The following ARAP1 variants were observed in gnomAD, a reference collection of about 807,000 sequenced individuals.
The protein encoded by ARAP1 is arf-GAP with Rho-GAP domain, ANK repeat and PH domain-containing protein 1.
Under a neutral mutation model 172.2 loss-of-function variants are expected in ARAP1, and 76 were observed. The ratio of observed to expected loss-of-function variants is 0.44; its 90% CI spans 0.37 to 0.53. ARAP1 has a LOEUF of 0.53. ARAP1 is among the 20% of genes least tolerant of loss of function. The pLI is 0.00. For synonymous variants in ARAP1, 804 were observed against 803.3 expected (o/e 1.00, Z -0.01); for missense variants, 1,686 against 1,977.5 (o/e 0.85, Z 2.80).
At position 72,713,169 on chromosome 11, in the gene ARAP1, G is replaced by A. The variant is rs776984768; in HGVS notation, c.747+7C>T. On this transcript the variant is annotated splice_region_variant and intron_variant, in intron 5 of 34. Coordinates refer to ENST00000393609, the MANE Select transcript of ARAP1 (RefSeq NM_001040118.3). Reference sequence around the variant, plus strand: ...TGACAGGCAGACAGTCCCATGCCTGGCCCCACCTTCTTGGTCATCACTCTG... The same window carrying A: ...TGACAGGCAGACAGTCCCATGCCTGACCCCACCTTCTTGGTCATCACTCTG... The A allele has an allele frequency of 1.2e-5, 19 of 1,613,680 alleles. No homozygotes were observed. In the East Asian group the frequency reaches 4.0e-4, roughly 34 times the overall value.
chr11:72,712,703 T>C, intron 5 of ARAP1, 135 bp from the exon 6 acceptor site: 1 of 1,410,590 alleles, frequency 7.1e-7, no homozygotes, highest in Non-Finnish European at 9.8e-7. Context: ...TTCCTCACAC[T>C]CCCCTCCCCC....
chr11:72,719,590 A>G (rs915836858), intron 3 of ARAP1, among the ~76,000 whole-genome samples: 1 of 152,232 alleles, frequency 6.6e-6, no homozygotes, highest in African/African-American at 2.4e-5. Flanking sequence ...CAGGCCCTAC[A>G]GGCTGAGCCA....
At position 72,698,122 on chromosome 11, in the gene ARAP1, C is replaced by T. The variant is rs1330274672; in HGVS notation, c.2542-16G>A. ...GCACGAATGCCTGGCAGAGAGGCGC[C>T]GGGGGAGACAGCATCAGCCAACGGC... is the stretch of plus-strand genomic sequence containing the variant. On this transcript the variant is annotated splice_polypyrimidine_tract_variant and intron_variant, in intron 18 of 34. Coordinates refer to ENST00000393609, the MANE Select transcript of ARAP1 (RefSeq NM_001040118.3). The T allele has an allele frequency of 1.3e-6, 2 of 1,571,736 alleles. No individual in the cohort carries two copies. The highest frequency in any genetic ancestry group is 1.7e-6 in the Non-Finnish European group (2 of 1,158,860).
At chr11:72,717,225 A>G (rs1189899520) in intron 3 of ARAP1, among the ~76,000 whole-genome samples, 2 of 152,184 alleles carry the variant, frequency 1.3e-5, no homozygotes, top group Non-Finnish European at 2.9e-5. Flanking sequence ...GGGCAAATCA[A>G]TCCATCACTG....
chr11:72,711,593 G>A, intron 7 of ARAP1, 94 bp from the exon 8 acceptor site: 3 of 1,055,190 alleles, frequency 2.8e-6, no homozygotes, highest in South Asian at 2.6e-5. Context: ...TCAGAGTGAG[G>A]ATCAGCCAGG....
chr11:72,725,790 A>C lies in ARAP1; in HGVS notation c.509+830T>G, dbSNP rs1045849838. Among the ~76,000 whole-genome samples the C allele has an allele frequency of 3.8e-4, 58 of 152,220 alleles. No individual in the cohort carries two copies. Among genetic ancestry groups the C allele is most frequent in the Non-Finnish European group, 7.2e-4 (49 of 67,994 alleles). On this transcript the variant is annotated intron_variant, in intron 3 of 34. Coordinates refer to ENST00000393609, the MANE Select transcript of ARAP1 (RefSeq NM_001040118.3). This position sits in a 1 kb window ranked among gnomAD's most constrained non-coding sequence, Gnocchi z 4.3. The stretch of plus-strand genomic sequence containing the variant: ...AGAGCCCAGCAGAGTGCCCAGCAAT[A>C]AACAAACAGGGACCAGGAGACCTCT...
chr11:72,712,924 G>C lies in ARAP1; in HGVS notation c.747+252C>G, dbSNP rs116218853. On this transcript the variant is annotated intron_variant, in intron 5 of 34. Coordinates refer to ENST00000393609, the MANE Select transcript of ARAP1 (RefSeq NM_001040118.3). Reference sequence around the variant, plus strand: ...ACACGAGTTCCTAACACACAGGGTGGGGGGAGGCCACATGCCCACCCACAT... The same window carrying C: ...ACACGAGTTCCTAACACACAGGGTGCGGGGAGGCCACATGCCCACCCACAT... 1,263 of 598,274 alleles carry C rather than the reference G, an allele frequency of 2.1e-3. 21 individuals carry two copies. In the African/African-American group the frequency reaches 0.022, roughly 10 times the overall value. 37.1% of individuals were successfully genotyped at this position (598,274 alleles called of 1,614,324 possible). A position where few individuals can be genotyped will look rare whatever the true frequency, so the allele number is the denominator to read the frequency against.
At chr11:72,702,717 C>T (rs1742437030) in intron 15 of ARAP1, among the ~76,000 whole-genome samples, 188 bp downstream of exon 15, 1 of 152,210 alleles carries the variant, frequency 6.6e-6, no homozygotes, top group South Asian at 2.1e-4. Context: ...CACAGAGACA[C>T]AGACACAGAG....
rs1856357511 is a variant in ARAP1, at chr11:72,699,192, C to A, written c.2439-85G>T. 1.3e-5 allele frequency: 19 copies of A among 1,487,328 alleles called. No individual in the cohort carries two copies. The highest frequency in any genetic ancestry group is 8.3e-5 in the African/African-American group (6 of 72,506). 92.1% of individuals were successfully genotyped at this position (1,487,328 alleles called of 1,614,324 possible). A position where few individuals can be genotyped will look rare whatever the true frequency, so the allele number is the denominator to read the frequency against. On this transcript the variant is annotated intron_variant, in intron 17 of 34. Coordinates refer to ENST00000393609, the MANE Select transcript of ARAP1 (RefSeq NM_001040118.3). This position sits in a 1 kb window ranked among gnomAD's most constrained non-coding sequence, Gnocchi z 4.2. Reference sequence around the variant, plus strand: ...CCGCACCATCAACCGCCATCCTCTGCCCCCTCCGCACTGCCTTGGCGCTTG... The same window carrying A: ...CCGCACCATCAACCGCCATCCTCTGACCCCTCCGCACTGCCTTGGCGCTTG...
intron 33 of ARAP1, among the ~76,000 whole-genome samples, chr11:72,687,079 T>A (rs1037095275): frequency 9.2e-5 from 14 of 152,324 alleles, no homozygotes; most frequent in African/African-American, 2.6e-4. Context: ...CCCTCCTCTA[T>A]GCTTGGTGAA....
chr11:72,734,856 A>G (rs569637670), intron 1 of ARAP1, among the ~76,000 whole-genome samples: 1 of 151,306 alleles, frequency 6.6e-6, no homozygotes, highest in Admixed American at 6.6e-5. Context: ...AAAAAAAAAA[A>G]GAATGCAAAA....
intron 4 of ARAP1, 115 bp downstream of exon 4, chr11:72,714,037 G>T: frequency 8.5e-7 from 1 of 1,181,424 alleles, no homozygotes; most frequent in Non-Finnish European, 1.1e-6. Flanking sequence ...CACACAGTGG[G>T]CTGGTGGCAG....
chr11:72,702,866 T>C (rs953097437), intron 15 of ARAP1, 39 bp downstream of exon 15: 5 of 1,548,482 alleles, frequency 3.2e-6, no homozygotes, highest in African/African-American at 1.4e-5. Context: ...CACCAGGCAC[T>C]GCACAGCCTG....
chr11:72,699,474 C>T lies in ARAP1; in HGVS notation c.2381G>A (p.Gly794Glu). Residue 794 changes from glycine to glutamate, a missense_variant, in exon 17 of 35, where the codon GGA (glycine) becomes GAA (glutamate). Coordinates refer to ENST00000393609, the MANE Select transcript of ARAP1 (RefSeq NM_001040118.3). This position sits in a 1 kb window ranked among gnomAD's most constrained non-coding sequence, Gnocchi z 4.2. The stretch of plus-strand genomic sequence containing the variant: ...CACAATCTCGCTGGCCCGAATCTCT[C>T]CATTGGGGGTCACTGCCCGCTCATT... ...FENERAVTPN[G>E]EIRASEIVCL... The T allele has an allele frequency of 6.2e-7, 1 of 1,614,074 alleles. No individual in the cohort carries two copies. The highest frequency in any genetic ancestry group is 8.5e-7 in the Non-Finnish European group (1 of 1,180,006).
At chr11:72,727,775 T>C (rs1857742692) in intron 2 of ARAP1, among the ~76,000 whole-genome samples, 1 of 152,238 alleles carries the variant, frequency 6.6e-6, no homozygotes, top group Admixed American at 6.5e-5. Flanking sequence ...GCCCTGGAAT[T>C]GGGTAAACCC....
At chr11:72,729,138 T>A (rs1453385232) in intron 2 of ARAP1, among the ~76,000 whole-genome samples, 4 of 152,184 alleles carry the variant, frequency 2.6e-5, no homozygotes, top group Admixed American at 6.5e-5. Context: ...CATATACAAA[T>A]TTAGGATACA....
chr11:72,693,888 C>T lies in ARAP1; in HGVS notation c.3695-83G>A. 5.3e-6 allele frequency: 6 copies of T among 1,127,914 alleles called. No individual in the cohort carries two copies. The highest frequency in any genetic ancestry group is 7.6e-6 in the Non-Finnish European group (6 of 792,668). The allele number at this position is 1,127,914 out of a possible 1,614,324, so 69.9% of individuals were successfully genotyped here. On this transcript the variant is annotated intron_variant, in intron 27 of 34. Transcript: ENST00000393609. The surrounding 1 kb of genome is among the most constrained non-coding windows in gnomAD (Gnocchi z 4.6). ...CTGGCAGATGGGCACATATCACCTA[C>T]ACATCCCCTGTCCACTCCAACCATA...
Position 72,726,807 on chromosome 11 carries a change from CCT to C in ARAP1, c.320_321del (p.Glu107GlyfsTer2). On this transcript the variant is annotated frameshift_variant, in exon 3 of 35. Coordinates refer to ENST00000393609, the MANE Select transcript of ARAP1 (RefSeq NM_001040118.3). LOFTEE classifies it high-confidence loss of function. This position sits in a 1 kb window ranked among gnomAD's most constrained non-coding sequence, Gnocchi z 6.5. ...TPPEPLPTTT[E>X]DEGLPAAPPI... is the part of the protein sequence containing the mutation. ...GGTGGGGCAGCGGGGAGCCCCTCAT[CCT>C]CTGTAGTGGTGGGCAGCGGCTCGGG... 6.4e-7 allele frequency: 1 copy of C among 1,558,924 alleles called. No individual in the cohort carries two copies. The highest frequency in any genetic ancestry group is 1.2e-5 in the South Asian group (1 of 84,654).
chr11:72,736,373 G>T (rs1413830266), intron 1 of ARAP1, among the ~76,000 whole-genome samples: 1 of 151,500 alleles, frequency 6.6e-6, no homozygotes, highest in Non-Finnish European at 1.5e-5. Flanking sequence ...CTCCCCAGTA[G>T]CGGGGACCAC....
Sources: gnomAD v4.1 joint callset for allele counts (sites outside exome capture counted in the v4.1 genomes callset) on GRCh38, gnomAD v4.1.1 for gene constraint, Gnocchi (gnomAD v3.1) non-coding constraint, MANE v1.5 for transcripts, NCBI Gene and HGNC (gene_info 2026-07-23, HGNC 2026-07-21) for gene names.